The following SNRPB variants were observed in gnomAD, a reference collection of about 807,000 sequenced individuals.
SNRPB encodes the protein small nuclear ribonucleoprotein-associated proteins B and B'.
Under a neutral mutation model 26.6 loss-of-function variants are expected in SNRPB, and 5 were observed. The ratio of observed to expected loss-of-function variants is 0.19; its 90% confidence interval spans 0.10 to 0.39. SNRPB has a LOEUF of 0.39. Ranked by LOEUF, SNRPB falls within the 10% of genes least tolerant of loss-of-function variation. The pLI is 1.00. For synonymous variants in SNRPB, 122 were observed against 105.8 expected, an observed-to-expected ratio of 1.15 and a Z score of -0.94; for missense variants, 211 against 311.9, an observed-to-expected ratio of 0.68 and a Z score of 2.44.
At chr20:2,466,775 C>T (rs992993198) in intron 2 of SNRPB, among the ~76,000 whole-genome samples, 1 of 152,158 alleles carries the variant, frequency 6.6e-6, no homozygotes, top group African/African-American at 2.4e-5. Context: ...TTTGGAGTAG[C>T]TCCACGCTCA....
Position 2,463,260 on chromosome 20 carries a change from G to A in SNRPB, c.421-33C>T. On this transcript the variant is annotated intron_variant, in intron 4 of 6. Transcript: ENST00000381342. This position sits in a 1 kb window ranked among gnomAD's most constrained non-coding sequence, Gnocchi z 5.0. ...GACATAAGAAGAAAGAGTTAGAAGA[G>A]TACAGTACAATGCAGCTTCCCACTC... is the stretch of plus-strand genomic sequence containing the variant. 4 of 1,580,118 alleles carry A rather than the reference G, an allele frequency of 2.5e-6. No homozygotes were observed. The highest frequency in any genetic ancestry group is 3.5e-6 in the Non-Finnish European group (4 of 1,149,444).
chr20:2,462,908 C>T (rs1221329582), intron 5 of SNRPB, 147 bp from the exon 6 acceptor site: 1 of 942,898 alleles, frequency 1.1e-6, no homozygotes, highest in Non-Finnish European at 1.6e-6. Flanking sequence ...TTGAGCCTAA[C>T]ACCCAGGGCT....
At chr20:2,467,852 G>A in intron 1 of SNRPB, 94 bp from the exon 2 acceptor site, 1 of 1,194,068 alleles carries the variant, frequency 8.4e-7, no homozygotes, top group Non-Finnish European at 1.2e-6. Context: ...TCTTGTCCAT[G>A]TGTCCAACTT....
At chr20:2,466,696 C>T (rs2085076666) in intron 2 of SNRPB, among the ~76,000 whole-genome samples, 1 of 152,064 alleles carries the variant, frequency 6.6e-6, no homozygotes, top group African/African-American at 2.4e-5. Context: ...ATTTTAGTTT[C>T]TATTCATAGA....
intron 3 of SNRPB, among the ~76,000 whole-genome samples, chr20:2,464,774 G>A (rs2085060514): frequency 6.6e-6 from 1 of 152,068 alleles, no homozygotes; most frequent in Admixed American, 6.5e-5. Context: ...GGAGGCTGAG[G>A]CAGGAGAATC....
rs1431810499 is a variant in SNRPB, at chr20:2,462,654, G to A, written c.667C>T (p.Pro223Ser). ...CACTTACCTCGCATCCCAGGGGGAGGAGGCCGCATTCCCGGAGGGGGCATG... is the reference window on the plus strand; with the variant it reads ...CACTTACCTCGCATCCCAGGGGGAGAAGGCCGCATTCCCGGAGGGGGCATG... Reference protein sequence around the residue: ...MGMPPPGMRPPPPGMRGLL With the variant: ...MGMPPPGMRPSPPGMRGLL Residue 223 changes from proline to serine, a missense_variant, in exon 6 of 7, where the codon CCT (proline) becomes TCT (serine). Coordinates refer to ENST00000381342, the MANE Select transcript of SNRPB (RefSeq NM_003091.4). 1.2e-6 allele frequency: 2 copies of A among 1,613,094 alleles called. No individual in the cohort carries two copies. Among genetic ancestry groups the A allele is most frequent in the East Asian group, 2.2e-5 (1 of 44,864 alleles).
rs1360397114 is a variant in SNRPB, at chr20:2,462,658, C to T, written c.663G>A (p.Arg221=). The change falls in exon 6 of 7, where the codon CGG becomes CGA. Residue 221 remains arginine (R), a synonymous_variant. Coordinates refer to ENST00000381342, the MANE Select transcript of SNRPB (RefSeq NM_003091.4). The part of the protein sequence containing the change: ...TPMGMPPPGM[R]PPPPGMRGLL ...TACCTCGCATCCCAGGGGGAGGAGG[C>T]CGCATTCCCGGAGGGGGCATGCCCA... is the stretch of plus-strand genomic sequence containing the variant. 1 of 1,612,448 alleles carries T rather than the reference C, an allele frequency of 6.2e-7. No homozygotes were observed. Among genetic ancestry groups the T allele is most frequent in the Admixed American group, 1.7e-5 (1 of 59,984 alleles).
At chr20:2,470,291 A>G (rs1255255098) in intron 1 of SNRPB, among the ~76,000 whole-genome samples, 1 of 123,498 alleles carries the variant, frequency 8.1e-6, no homozygotes, top group Non-Finnish European at 1.9e-5. Context: ...ACTCTTTCTC[A>G]GACTCACAAA....
chr20:2,462,934 C>G (rs1162111921), intron 5 of SNRPB, among the ~76,000 whole-genome samples, 155 bp downstream of exon 5: 1 of 152,246 alleles, frequency 6.6e-6, no homozygotes, highest in Non-Finnish European at 1.5e-5. Flanking sequence ...TGGCTCTTGT[C>G]CACCTAGTCT....
intron 6 of SNRPB, 37 bp from the exon 7 acceptor site, chr20:2,461,976 C>A (rs368886006): frequency 3.9e-6 from 6 of 1,519,560 alleles, no homozygotes; most frequent in Non-Finnish European, 5.5e-6. Flanking sequence ...AGTGCCTGAT[C>A]TGCAACTTGA....
At chr20:2,467,471 C>A in intron 2 of SNRPB, 136 bp downstream of exon 2, 1 of 764,598 alleles carries the variant, frequency 1.3e-6, no homozygotes, top group Non-Finnish European at 2.2e-6. Context: ...TCAATGTCCC[C>A]ATTTAAGTCT....
In SNRPB at chr20:2,467,706, C is replaced by T. The variant is rs1188886526; in HGVS notation, c.56G>A (p.Cys19Tyr). 2 of 1,613,226 alleles carry T rather than the reference C, an allele frequency of 1.2e-6. No individual in the cohort carries two copies. Among genetic ancestry groups the T allele is most frequent in the Middle Eastern group, 1.7e-4 (1 of 6,060 alleles). Residue 19 changes from cysteine (C) to tyrosine (Y), a missense_variant, in exon 2 of 7, where the codon TGC becomes TAC. By Grantham distance (194) the Cys-to-Tyr change is radical. Coordinates refer to ENST00000381342, the MANE Select transcript of SNRPB (RefSeq NM_003091.4). ...GAAGATCCGGCCGTCCTGCAGGATG[C>T]ACCTCATCCTGTAATCAATATGCTG... ...MLQHIDYRMR[C>Y]ILQDGRIFIG... is the part of the protein sequence containing the mutation.
chr20:2,465,773 C>T lies in SNRPB; in HGVS notation c.202G>A (p.Gly68Ser), dbSNP rs2085069289. Residue 68 changes from glycine (G) to serine (S), a missense_variant, in exon 3 of 7, where the codon GGT becomes AGT. Coordinates refer to ENST00000381342, the MANE Select transcript of SNRPB (RefSeq NM_003091.4). The stretch of plus-strand genomic sequence containing the variant: ...TTCTCCCCTCGCAGCAGCACCAGAC[C>T]GAGGACTCGCTTCTCTTCCCTTTCT... ...QAEREEKRVLGLVLLRGENLV... is the reference protein window; with the variant it reads ...QAEREEKRVLSLVLLRGENLV... 2 of 1,613,622 alleles carry T rather than the reference C, an allele frequency of 1.2e-6. No homozygotes were observed. Among genetic ancestry groups the T allele is most frequent in the East Asian group, 2.2e-5 (1 of 44,786 alleles).
In SNRPB at chr20:2,463,727, C is replaced by A. The variant is rs539610830; in HGVS notation, c.420+20G>T. 31 of 1,548,290 alleles carry A rather than the reference C, an allele frequency of 2.0e-5. No individual in the cohort carries two copies. Among genetic ancestry groups the A allele is most frequent in the Middle Eastern group, 2.3e-4 (1 of 4,438 alleles). ...TTATTTTAGCCACCAGGAGGTGGTA[C>A]CCTTTCCCCAACTCCTCACCTGTTG... is the stretch of plus-strand genomic sequence containing the variant. On this transcript the variant is annotated intron_variant, in intron 4 of 6. Transcript: ENST00000381342. This position sits in a 1 kb window ranked among gnomAD's most constrained non-coding sequence, Gnocchi z 5.0.
At chr20:2,465,933 T>C (rs907362328) in intron 2 of SNRPB, 114 bp from the exon 3 acceptor site, 9 of 727,986 alleles carry the variant, frequency 1.2e-5, no homozygotes, top group Non-Finnish European at 2.2e-5. Context: ...GTACACAAAC[T>C]TTCCCAAGAT....
chr20:2,461,762 C>T lies in SNRPB; in HGVS notation c.*167G>A. 1.2e-6 allele frequency: 2 copies of T among 1,605,810 alleles called. No homozygotes were observed. Among genetic ancestry groups the T allele is most frequent in the South Asian group, 1.1e-5 (1 of 89,514 alleles). On this transcript the variant is annotated 3_prime_UTR_variant, in exon 7 of 7. Transcript: ENST00000381342. ...GAGGAGGGCCAAGATGAGTCTAGGG[C>T]CTTGGTGGGCGCATTCCCGGGGGAG...
intron 3 of SNRPB, 85 bp downstream of exon 3, chr20:2,465,623 G>T (rs1220990743): frequency 7.7e-6 from 7 of 905,680 alleles, no homozygotes; most frequent in South Asian, 2.9e-5. Flanking sequence ...ATGCCTGTGA[G>T]AACTGCAATG....
chr20:2,461,656 G>A lies in SNRPB; in HGVS notation c.*273C>T. ...AGGTGCAATTATAATGTTCTCTTAAGAGTTTATTATAAACCAGTTTCATAG... is the reference window on the plus strand; with the variant it reads ...AGGTGCAATTATAATGTTCTCTTAAAAGTTTATTATAAACCAGTTTCATAG... On this transcript the variant is annotated 3_prime_UTR_variant, in exon 7 of 7. Coordinates refer to ENST00000381342, the MANE Select transcript of SNRPB (RefSeq NM_003091.4). 1.3e-6 allele frequency: 1 copy of A among 777,028 alleles called. No homozygotes were observed. The highest frequency in any genetic ancestry group is 2.0e-6 in the Non-Finnish European group (1 of 489,106). The allele number at this position is 777,028 out of a possible 1,614,324, so 48.1% of individuals were successfully genotyped here. A position where few individuals can be genotyped will look rare whatever the true frequency, so the allele number is the denominator to read the frequency against.
At chr20:2,462,594 G>T in intron 6 of SNRPB, 42 bp downstream of exon 6, 1 of 1,580,090 alleles carries the variant, frequency 6.3e-7, no homozygotes, top group Non-Finnish European at 8.7e-7. Context: ...ATCCCACTAG[G>T]CTCTAGGGAA....
Sources: gnomAD v4.1 joint callset for allele counts (sites outside exome capture counted in the v4.1 genomes callset) on GRCh38, gnomAD v4.1.1 for gene constraint, Gnocchi (gnomAD v3.1) non-coding constraint, MANE v1.5 for transcripts, NCBI Gene and HGNC (gene_info 2026-07-23, HGNC 2026-07-21) for gene names.